Variants in ENTHD1 observed in about 807,000 individuals in gnomAD.
ENTHD1 encodes the protein ENTH domain containing 1.
In ENTHD1, 23 loss-of-function variants were observed where a neutral mutation model predicts 39.1. That is an observed-to-expected ratio of 0.59 (90% confidence interval 0.42 to 0.83). ENTHD1 has a LOEUF of 0.83. ENTHD1 is among the 40% of genes least tolerant of loss of function. The probability of loss-of-function intolerance (pLI) is 0.00; values close to 1 mark genes in which losing one functional copy is unlikely to be tolerated. For missense variants in ENTHD1, 624 were observed against 705.4 expected (o/e 0.88, Z 1.31); for synonymous variants, 230 against 258.2 (o/e 0.89, Z 1.05).
At chr22:39,792,103 T>TATTCCATGGTAC (rs2065509151) in intron 5 of ENTHD1, among the ~76,000 whole-genome samples, 1 of 152,206 alleles carries the variant, frequency 6.6e-6, no homozygotes, top group Non-Finnish European at 1.5e-5. Context: ...TTCCATGGTG[T>TATTCCATGGTAC]ATATGTACCA....
chr22:39,754,812 T>A (rs2065172871), intron 6 of ENTHD1, among the ~76,000 whole-genome samples: 1 of 152,178 alleles, frequency 6.6e-6, no homozygotes, highest in South Asian at 2.1e-4. Flanking sequence ...TCACCTCCAA[T>A]TTCACCGGCC....
At chr22:39,837,733 T>G (rs2065916528) in intron 3 of ENTHD1, among the ~76,000 whole-genome samples, 1 of 152,194 alleles carries the variant, frequency 6.6e-6, no homozygotes, top group African/African-American at 2.4e-5. Context: ...AAAGAATGCA[T>G]TATTCCTAAG....
chr22:39,803,162 CT>C (rs1429620307), intron 5 of ENTHD1, among the ~76,000 whole-genome samples: 2 of 152,082 alleles, frequency 1.3e-5, no homozygotes, highest in Non-Finnish European at 2.9e-5. Context: ...GCCATTGCCC[CT>C]GCCTGTCTTT....
At chr22:39,768,574 TA>T (rs1245269542) in intron 5 of ENTHD1, among the ~76,000 whole-genome samples, 2 of 152,122 alleles carry the variant, frequency 1.3e-5, no homozygotes, top group African/African-American at 2.4e-5. Context: ...TTCTCTGAGG[TA>T]ATATTTCTAT....
chr22:39,756,815 T>C (rs1403852314), intron 6 of ENTHD1, among the ~76,000 whole-genome samples: 2 of 152,172 alleles, frequency 1.3e-5, no homozygotes, highest in Non-Finnish European at 2.9e-5. Flanking sequence ...TAAAAGCTTC[T>C]AAGTATAAAA....
intron 5 of ENTHD1, among the ~76,000 whole-genome samples, chr22:39,771,347 C>T (rs1330068616): frequency 6.6e-6 from 1 of 152,098 alleles, no homozygotes; most frequent in African/African-American, 2.4e-5. Context: ...AACTTGCTAC[C>T]CTGAATCCAG....
chr22:39,883,985 AC>A (rs2066361036), intron 2 of ENTHD1, among the ~76,000 whole-genome samples: 1 of 152,154 alleles, frequency 6.6e-6, no homozygotes, highest in Non-Finnish European at 1.5e-5. Flanking sequence ...AATGAAAAAA[AC>A]TTAAGACATG....
chr22:39,761,759 T>C lies in ENTHD1; in HGVS notation c.1219+3464A>G, dbSNP rs908585588. On this transcript the variant is annotated intron_variant, in intron 6 of 6. Transcript: ENST00000325157. ...TCATTTCAATTATTTATCTTTCAGCTCCAGAACTTCCATTTAATTCCTTTT... is the reference window on the plus strand; with the variant it reads ...TCATTTCAATTATTTATCTTTCAGCCCCAGAACTTCCATTTAATTCCTTTT... 2.6e-5 allele frequency among the ~76,000 whole-genome samples: 4 copies of C among 152,288 alleles called. No individual in the cohort carries two copies. The South Asian group carries it at 8.3e-4, about 32-fold the overall frequency.
chr22:39,791,719 AT>A (rs1034708089), intron 5 of ENTHD1, among the ~76,000 whole-genome samples: 32 of 152,126 alleles, frequency 2.1e-4, no homozygotes, highest in African/African-American at 7.5e-4. Flanking sequence ...TTAAATCACA[AT>A]TATATATGTA....
intron 2 of ENTHD1, chr22:39,875,169 C>A: frequency 3.7e-6 from 2 of 543,358 alleles, no homozygotes; most frequent in Non-Finnish European, 5.4e-6. Context: ...ATATACATAA[C>A]AATATGGATG....
chr22:39,814,675 C>T (rs150506961), intron 5 of ENTHD1, among the ~76,000 whole-genome samples: 1 of 152,252 alleles, frequency 6.6e-6, no homozygotes, highest in Non-Finnish European at 1.5e-5. Flanking sequence ...ACAGACTTTT[C>T]AATAAATGAT....
At chr22:39,834,944 A>T (rs1456071884) in intron 4 of ENTHD1, among the ~76,000 whole-genome samples, 1 of 152,110 alleles carries the variant, frequency 6.6e-6, no homozygotes, top group African/African-American at 2.4e-5. Flanking sequence ...GATGGAGAAA[A>T]TATTATTGCC....
intron 5 of ENTHD1, among the ~76,000 whole-genome samples, chr22:39,810,272 T>C (rs1374409386): frequency 6.6e-6 from 1 of 152,172 alleles, no homozygotes; most frequent in African/African-American, 2.4e-5. Context: ...TTTCTGGAGA[T>C]CTAACAATGC....
intron 5 of ENTHD1, among the ~76,000 whole-genome samples, chr22:39,768,769 A>G (rs1472857261): frequency 6.6e-6 from 1 of 152,066 alleles, no homozygotes; most frequent in Non-Finnish European, 1.5e-5. Context: ...GATTTTCTGT[A>G]TAACAATGTA....
chr22:39,793,599 T>C (rs375710182), intron 5 of ENTHD1, among the ~76,000 whole-genome samples: 3 of 152,196 alleles, frequency 2.0e-5, no homozygotes, highest in Admixed American at 6.5e-5. Flanking sequence ...TCCCCTATGT[T>C]TTCTTCAAGT....
rs200928683 is a variant in ENTHD1 at position 39,889,734 on chromosome 22, T to TA, written c.-155-1832dup. 8.5e-5 allele frequency among the ~76,000 whole-genome samples: 13 copies of TA among 152,198 alleles called. No homozygotes were observed. In the East Asian group the frequency reaches 1.2e-3, roughly 14 times the overall value. ...CAAATAAACTATCACTTCTTTTTTT[T>TA]AAAAAAATGAGATAACCTCTTTTTG... On this transcript the variant is annotated intron_variant, in intron 1 of 6. Transcript: ENST00000325157.
intron 5 of ENTHD1, among the ~76,000 whole-genome samples, chr22:39,812,871 C>T (rs1406352185): frequency 6.6e-6 from 1 of 152,206 alleles, no homozygotes; most frequent in Non-Finnish European, 1.5e-5. Flanking sequence ...CAACCTCTGC[C>T]TCCCAGGCTC....
At chr22:39,757,028 A>C (rs1369406479) in intron 6 of ENTHD1, among the ~76,000 whole-genome samples, 6 of 150,860 alleles carry the variant, frequency 4.0e-5, no homozygotes, top group African/African-American at 7.3e-5. Flanking sequence ...AAAAAAAAAA[A>C]GCCTTCTGGG....
intron 1 of ENTHD1, chr22:39,893,323 C>G (rs1432003089): frequency 6.6e-6 from 1 of 152,198 alleles, no homozygotes; most frequent in African/African-American, 2.4e-5. Flanking sequence ...AATCAACTTT[C>G]TGTGGGCAGG....
Sources: gnomAD v4.1 joint callset for allele counts (sites outside exome capture counted in the v4.1 genomes callset) on GRCh38, gnomAD v4.1.1 for gene constraint, MANE v1.5 for transcripts, NCBI Gene and HGNC (gene_info 2026-07-23, HGNC 2026-07-21) for gene names.